The following CALN1 variants were observed in gnomAD, a reference collection of about 807,000 sequenced individuals.
CALN1 encodes calcium-binding protein 8.
CALN1 carries 17 observed loss-of-function variants against 30.6 expected under a neutral mutation model. That is an observed-to-expected ratio of 0.56 (90% confidence interval 0.38 to 0.83). CALN1 has a LOEUF of 0.83. CALN1 is among the 40% of genes least tolerant of loss of function. The pLI, the probability that CALN1 is intolerant of heterozygous loss-of-function variation, is 0.00. For synonymous variants in CALN1, 156 were observed against 131.4 expected, an observed-to-expected ratio of 1.19 and a Z score of -1.28; for missense variants, 291 against 354.9, an observed-to-expected ratio of 0.82 and a Z score of 1.45.
At chr7:71,885,211 G>T (rs1240286779) in intron 5 of CALN1, among the ~76,000 whole-genome samples, 4 of 152,184 alleles carry the variant, frequency 2.6e-5, no homozygotes, top group Non-Finnish European at 4.4e-5. Flanking sequence ...CTCTGCAGTG[G>T]TGTGATCTCG....
intron 5 of CALN1, among the ~76,000 whole-genome samples, chr7:71,841,319 C>A (rs979742415): frequency 2.0e-5 from 3 of 152,212 alleles, no homozygotes; most frequent in African/African-American, 7.2e-5. Flanking sequence ...CTTTCTTCTT[C>A]TCTGTTCATG....
chr7:72,057,439 T>G (rs1327115167), intron 4 of CALN1, among the ~76,000 whole-genome samples: 2 of 138,940 alleles, frequency 1.4e-5, no homozygotes, highest in Non-Finnish European at 3.0e-5. Flanking sequence ...TCTGTCCCAA[T>G]GAAGTGTTCA....
chr7:72,351,720 A>G (rs1039969418), intron 2 of CALN1, among the ~76,000 whole-genome samples: 1 of 152,214 alleles, frequency 6.6e-6, no homozygotes, highest in African/African-American at 2.4e-5. Flanking sequence ...AATAAATACA[A>G]TATTTGAAAA....
At chr7:72,019,917 C>T (rs546489041) in intron 5 of CALN1, among the ~76,000 whole-genome samples, 9 of 152,290 alleles carry the variant, frequency 5.9e-5, no homozygotes, top group East Asian at 1.9e-4. Flanking sequence ...TCTGTTTCCA[C>T]GGAAAACTGA....
intron 3 of CALN1, among the ~76,000 whole-genome samples, chr7:72,261,636 CAGGCA>C (rs1796280621): frequency 6.6e-6 from 1 of 152,092 alleles, no homozygotes; most frequent in South Asian, 2.1e-4. Flanking sequence ...CTATGTTGCC[CAGGCA>C]AGTCTCAAAT....
chr7:72,197,459 C>T (rs6979502), intron 3 of CALN1, among the ~76,000 whole-genome samples: 67,146 of 151,738 alleles, frequency 0.44, 16,265 homozygotes, highest in East Asian at 0.96. Flanking sequence ...CTTGGCCTCC[C>T]AAAGCGCTGG....
intron 1 of CALN1, among the ~76,000 whole-genome samples, chr7:72,423,388 G>A (rs1387518878): frequency 2.6e-5 from 4 of 152,120 alleles, no homozygotes; most frequent in Non-Finnish European, 5.9e-5. Context: ...TAGCCCCAGG[G>A]CAGGGACCAG....
the CALN1 span, among the ~76,000 whole-genome samples, chr7:72,472,994 G>A: frequency 6.6e-6 from 1 of 152,192 alleles, no homozygotes; most frequent in Non-Finnish European, 1.5e-5. Context: ...ACCTGCTGCA[G>A]AGAAGCCCTC....
chr7:72,107,863 C>T (rs1260366697), intron 3 of CALN1, among the ~76,000 whole-genome samples: 1 of 152,194 alleles, frequency 6.6e-6, no homozygotes, highest in Non-Finnish European at 1.5e-5. Context: ...CTCGACTCCA[C>T]TCAGGATGGT....
At chr7:72,483,893 C>T in the CALN1 span, among the ~76,000 whole-genome samples, 1 of 151,952 alleles carries the variant, frequency 6.6e-6, no homozygotes, top group African/African-American at 2.4e-5. Context: ...CTGTCTATTG[C>T]CTCAGACATT....
intron 2 of CALN1, among the ~76,000 whole-genome samples, chr7:72,292,137 C>T (rs1053613890): frequency 6.6e-6 from 1 of 152,024 alleles, no homozygotes; most frequent in African/African-American, 2.4e-5. Context: ...CCATTACTTT[C>T]AATGGCAAAA....
intron 2 of CALN1, among the ~76,000 whole-genome samples, chr7:72,381,854 A>C (rs1304655788): frequency 6.6e-6 from 1 of 151,970 alleles, no homozygotes; most frequent in Non-Finnish European, 1.5e-5. Context: ...CCCAGAACTT[A>C]AAGTAAAATT....
At chr7:72,112,795 T>C (rs1021514524) in intron 3 of CALN1, among the ~76,000 whole-genome samples, 1 of 152,152 alleles carries the variant, frequency 6.6e-6, no homozygotes, top group African/African-American at 2.4e-5. Flanking sequence ...GTATTACAGT[T>C]GAAGAGACAG....
chr7:72,205,555 T>TATACATATATATATATA (rs1489760031), intron 3 of CALN1, among the ~76,000 whole-genome samples: 1 of 107,940 alleles, frequency 9.3e-6, no homozygotes, highest in African/African-American at 4.7e-5. Flanking sequence ...AAAAAAAATA[T>TATACATATATATATATA]ATATATATAT....
chr7:72,071,930 A>G (rs1804422917), intron 4 of CALN1, among the ~76,000 whole-genome samples: 1 of 152,350 alleles, frequency 6.6e-6, no homozygotes, highest in African/African-American at 2.4e-5. Flanking sequence ...GCAGAAGGAA[A>G]AAAAGATCAG....
At chr7:71,866,619 T>G (rs922003905) in intron 5 of CALN1, among the ~76,000 whole-genome samples, 2 of 152,160 alleles carry the variant, frequency 1.3e-5, no homozygotes, top group South Asian at 4.1e-4. Flanking sequence ...AACTGAGTAC[T>G]CCACATGCTT....
chr7:71,869,626 A>T (rs113034091), intron 5 of CALN1, among the ~76,000 whole-genome samples: 7,293 of 152,222 alleles, frequency 0.048, 547 homozygotes, highest in African/African-American at 0.16. Context: ...CAATATTTTT[A>T]AATGTGAATT....
At chr7:72,278,549 C>T (rs1797515018) in intron 3 of CALN1, 137 bp downstream of exon 3, 1 of 1,169,098 alleles carries the variant, frequency 8.6e-7, no homozygotes, top group African/African-American at 1.5e-5. Context: ...TGAACTCTTT[C>T]CCATTATGCC....
intron 5 of CALN1, among the ~76,000 whole-genome samples, chr7:71,930,395 C>T (rs947209561): frequency 2.6e-5 from 4 of 151,944 alleles, no homozygotes; most frequent in African/African-American, 4.8e-5. Flanking sequence ...TTTTTTAGAT[C>T]GTTTGTCCAT....
Sources: allele counts gnomAD v4.1 joint callset (sites outside exome capture counted in the v4.1 genomes callset), GRCh38; gene constraint gnomAD v4.1.1; transcripts MANE v1.5; gene names NCBI Gene and HGNC (gene_info 2026-07-23, HGNC 2026-07-21).